Variants in RUFY1 observed in about 807,000 individuals in gnomAD.
RUFY1 encodes RUN and FYVE domain containing 1.
RUFY1 carries 54 observed loss-of-function variants against 94.6 expected under a neutral mutation model. That is an observed-to-expected ratio of 0.57 (90% CI 0.46 to 0.72). The LOEUF is 0.72. Ranked by LOEUF, RUFY1 falls within the 30% of genes least tolerant of loss-of-function variation. RUFY1 has a pLI of 0.00. For missense variants in RUFY1, 883 were observed against 883.9 expected, an observed-to-expected ratio of 1.00 and a Z score of 0.01; for synonymous variants, 396 against 347.3, an observed-to-expected ratio of 1.14 and a Z score of -1.56.
At chr5:179,593,693 G>A (rs558595228) in intron 11 of RUFY1, 48 bp downstream of exon 11, 8 of 1,589,880 alleles carry the variant, frequency 5.0e-6, no homozygotes, top group Admixed American at 1.8e-5. Flanking sequence ...TCTGCTGCTC[G>A]CCAGTCTTGT....
chr5:179,603,395 A>T (rs1036212739), intron 15 of RUFY1, among the ~76,000 whole-genome samples: 6 of 151,940 alleles, frequency 3.9e-5, no homozygotes, highest in African/African-American at 1.5e-4. Context: ...AGACTAGCCC[A>T]TGGCCGCTGC....
intron 6 of RUFY1, among the ~76,000 whole-genome samples, chr5:179,577,426 A>G (rs1228234916): frequency 6.6e-6 from 1 of 151,076 alleles, no homozygotes; most frequent in East Asian, 1.9e-4. Context: ...CGGCCTCCCA[A>G]AGTGCTGGGA....
chr5:179,600,235 T>G (rs1183185691), intron 14 of RUFY1: 1 of 152,314 alleles, frequency 6.6e-6, no homozygotes, highest in Non-Finnish European at 1.5e-5. Flanking sequence ...GCACAGGGTG[T>G]GCAGAGAGCC....
chr5:179,574,502 A>G (rs547345293), intron 5 of RUFY1, among the ~76,000 whole-genome samples: 1 of 152,230 alleles, frequency 6.6e-6, no homozygotes, highest in Non-Finnish European at 1.5e-5. Context: ...CAGGCTTGCT[A>G]GAACTTACTG....
intron 2 of RUFY1, 101 bp from the exon 3 acceptor site, chr5:179,562,446 C>A (rs1340457305): frequency 9.7e-6 from 7 of 721,628 alleles, no homozygotes; most frequent in Non-Finnish European, 1.8e-5. Context: ...TGAAGTTTAG[C>A]AGCTTTCACT....
intron 15 of RUFY1, among the ~76,000 whole-genome samples, chr5:179,604,918 A>G (rs954254732): frequency 1.3e-5 from 2 of 151,078 alleles, no homozygotes; most frequent in Non-Finnish European, 2.9e-5. Context: ...CAGGAAGCAG[A>G]GGTTGCAGTG....
intron 14 of RUFY1, 48 bp downstream of exon 14, chr5:179,598,869 A>C (rs1015243134): frequency 6.2e-7 from 1 of 1,608,846 alleles, no homozygotes; most frequent in African/African-American, 1.3e-5. Flanking sequence ...AGCCTCCAGA[A>C]ACCCCTAACA....
intron 2 of RUFY1, 88 bp from the exon 3 acceptor site, chr5:179,562,459 C>T: frequency 1.3e-6 from 1 of 748,478 alleles, no homozygotes; most frequent in Non-Finnish European, 2.4e-6. Flanking sequence ...CTTTCACTTC[C>T]ACTTGGCTTT....
At chr5:179,598,501 TCTCTCCCTGGTTCCTG>T in intron 13 of RUFY1, 175 bp from the exon 14 acceptor site, 1 of 649,108 alleles carries the variant, frequency 1.5e-6, no homozygotes, top group Non-Finnish European at 2.7e-6. Context: ...TGCAGGCTTT[TCTCTCCCTGGTTCCTG>T]CTCTTTCTTG....
chr5:179,602,851 A>G, intron 15 of RUFY1: 1 of 152,432 alleles, frequency 6.6e-6, no homozygotes, highest in Non-Finnish European at 1.5e-5. Context: ...AGCTGCCAGG[A>G]TCACCCGAGA....
chr5:179,577,648 CG>C (rs932446928), intron 6 of RUFY1, among the ~76,000 whole-genome samples: 2 of 9,724 alleles, frequency 2.1e-4, no homozygotes, highest in African/African-American at 8.6e-4. Flanking sequence ...GAGGGGAGGG[CG>C]GGGGTGGGGA....
intron 15 of RUFY1, 121 bp downstream of exon 15, chr5:179,602,107 C>A: frequency 2.7e-6 from 2 of 752,734 alleles, no homozygotes; most frequent in Admixed American, 2.3e-5. Context: ...GAGCTCAGTC[C>A]GCCGTTCACG....
chr5:179,571,740 C>T (rs1273081803), intron 5 of RUFY1, among the ~76,000 whole-genome samples: 2 of 152,192 alleles, frequency 1.3e-5, no homozygotes, highest in African/African-American at 4.8e-5. Context: ...CAGTCTTTTT[C>T]AGCCTCATGG....
chr5:179,569,754 G>GT (rs1414116314), intron 5 of RUFY1, among the ~76,000 whole-genome samples: 159 of 147,844 alleles, frequency 1.1e-3, no homozygotes, highest in African/African-American at 3.7e-3. Flanking sequence ...TTTTGTTGTT[G>GT]TTTTTTTTGA....
chr5:179,579,001 G>A (rs1433730314), intron 6 of RUFY1, among the ~76,000 whole-genome samples: 3 of 152,204 alleles, frequency 2.0e-5, no homozygotes, highest in Admixed American at 2.0e-4. Flanking sequence ...TCATATGTAT[G>A]CATGGAACAT....
intron 7 of RUFY1, 28 bp from the exon 8 acceptor site, chr5:179,585,768 G>A: frequency 6.5e-7 from 1 of 1,537,054 alleles, no homozygotes; most frequent in South Asian, 1.1e-5. Flanking sequence ...ATAAGTTTAT[G>A]TTTACTTAAT....
At chr5:179,553,182 G>T (rs1307844660) in intron 1 of RUFY1, among the ~76,000 whole-genome samples, 1 of 152,256 alleles carries the variant, frequency 6.6e-6, no homozygotes, top group African/African-American at 2.4e-5. Flanking sequence ...TGCCCAGGCA[G>T]CGTTGGGATT....
rs770901039 is a variant in RUFY1 at position 179,596,632 on chromosome 5, G to C, written c.1582G>C (p.Gly528Arg). Residue 528 changes from glycine (G) to arginine (R), a missense_variant, in exon 13 of 18, where the codon GGG (glycine) becomes CGG (arginine). Coordinates refer to ENST00000319449, the MANE Select transcript of RUFY1 (RefSeq NM_025158.5). ...CCACAAGCTGCAGCAGGAGCTGGGC[G>C]GGAGGATCGGCGCCCTGCAGCTGCA... ...RSHKLQQELG[G>R]RIGALQLQLS... 6.2e-7 allele frequency: 1 copy of C among 1,612,112 alleles called. No individual in the cohort carries two copies. Among genetic ancestry groups the C allele is most frequent in the African/African-American group, 1.3e-5 (1 of 74,898 alleles).
chr5:179,558,485 T>C lies in RUFY1; in HGVS notation c.311-1540T>C, dbSNP rs548858080. Among the ~76,000 whole-genome samples, 21 of 152,054 alleles carry C rather than the reference T, an allele frequency of 1.4e-4. No individual in the cohort carries two copies. In the South Asian group the frequency reaches 3.7e-3, roughly 27 times the overall value. ...TACTCGGGAGTCTGAAACAAGAGAA[T>C]TGCTTGAGCTCAGGAGGCGAAGGTT... On this transcript the variant is annotated intron_variant, in intron 1 of 17. Coordinates refer to ENST00000319449, the MANE Select transcript of RUFY1 (RefSeq NM_025158.5).
Sources: allele counts gnomAD v4.1 joint callset (sites outside exome capture counted in the v4.1 genomes callset), GRCh38; gene constraint gnomAD v4.1.1; transcripts MANE v1.5; gene names NCBI Gene and HGNC (gene_info 2026-07-23, HGNC 2026-07-21).